ARNT: variants seen among roughly 807,000 people sequenced by gnomAD.
ARNT encodes the protein class E basic helix-loop-helix protein 2.
Under a neutral mutation model 105.0 loss-of-function variants are expected in ARNT, and 30 were observed. The ratio of observed to expected loss-of-function variants is 0.29; its 90% CI spans 0.21 to 0.39. The LOEUF is 0.39. ARNT is among the 10% of genes least tolerant of loss of function. The pLI is 1.00. For synonymous variants in ARNT, 304 were observed against 344.0 expected, an observed-to-expected ratio of 0.88 and a Z score of 1.29; for missense variants, 748 against 978.7, an observed-to-expected ratio of 0.76 and a Z score of 3.15.
At chr1:150,835,138 CA>C (rs11459475) in intron 7 of ARNT, among the ~76,000 whole-genome samples, 34 of 134,180 alleles carry the variant, frequency 2.5e-4, no homozygotes, top group Non-Finnish European at 2.7e-4. Flanking sequence ...GACCTTGTCT[CA>C]AAAAAAAAAA....
chr1:150,817,452 T>A lies in ARNT; in HGVS notation c.1506-19A>T. ...CTGCTGCCTATATGTCAAAGGCCAG[T>A]TGACAAGACAAATAGAAAAAAAAAT... is the stretch of plus-strand genomic sequence containing the variant. On this transcript the variant is annotated intron_variant, in intron 15 of 21. Transcript: ENST00000358595. The A allele has an allele frequency of 1.9e-6, 3 of 1,609,482 alleles. No individual in the cohort carries two copies. Among genetic ancestry groups the A allele is most frequent in the Non-Finnish European group, 2.5e-6 (3 of 1,178,842 alleles).
intron 4 of ARNT, 70 bp downstream of exon 4, chr1:150,846,193 G>T: frequency 7.3e-7 from 1 of 1,374,386 alleles, no homozygotes; most frequent in Non-Finnish European, 1.0e-6. Context: ...AAGTCAATAT[G>T]CTAGGACTGT....
chr1:150,849,532 T>C (rs925481042), intron 3 of ARNT, among the ~76,000 whole-genome samples: 3 of 152,146 alleles, frequency 2.0e-5, no homozygotes, highest in Admixed American at 6.5e-5. Flanking sequence ...ATGCCTGTAA[T>C]CCCAACACTT....
intron 3 of ARNT, among the ~76,000 whole-genome samples, chr1:150,848,775 AC>A (rs1212849177): frequency 6.6e-6 from 1 of 152,042 alleles, no homozygotes; most frequent in Non-Finnish European, 1.5e-5. Context: ...TAAGCGATCC[AC>A]CCACCTCAGC....
At chr1:150,818,935 C>G (rs891949341) in intron 14 of ARNT, among the ~76,000 whole-genome samples, 3 of 151,718 alleles carry the variant, frequency 2.0e-5, no homozygotes, top group Non-Finnish European at 2.9e-5. Flanking sequence ...TATAAAGATG[C>G]AAAGAGACAA....
rs1166919052 is a variant in ARNT at position 150,843,028 on chromosome 1, T to C, written c.228-560A>G. ...CTCTCACACAAACAACACATGCACGTGCCACACAATGACAAAATAACCAAC... is the reference window on the plus strand; with the variant it reads ...CTCTCACACAAACAACACATGCACGCGCCACACAATGACAAAATAACCAAC... On this transcript the variant is annotated intron_variant, in intron 4 of 21. Coordinates refer to ENST00000358595, the MANE Select transcript of ARNT (RefSeq NM_001668.4). 4.6e-5 allele frequency among the ~76,000 whole-genome samples: 7 copies of C among 152,192 alleles called. No individual in the cohort carries two copies. The East Asian group carries it at 1.3e-3, about 29-fold the overall frequency.
At chr1:150,837,843 A>G (rs977071218) in intron 6 of ARNT, among the ~76,000 whole-genome samples, 1 of 152,014 alleles carries the variant, frequency 6.6e-6, no homozygotes, top group African/African-American at 2.4e-5. Flanking sequence ...CAAAACCTGA[A>G]TCATTATTTC....
At position 150,823,341 on chromosome 1, in the gene ARNT, A is replaced by T; in HGVS notation, c.1247T>A (p.Val416Glu). 2.5e-6 allele frequency: 4 copies of T among 1,593,944 alleles called. No individual in the cohort carries two copies. Among genetic ancestry groups the T allele is most frequent in the Non-Finnish European group, 3.4e-6 (4 of 1,168,020 alleles). ...AGACAGCACTTGGCCTTTTAATTTC[A>T]CTACCTGAAAAAGTTTTCATGCCAT... The part of the protein sequence containing the change: ...QLLRDSFQQV[V>E]KLKGQVLSVM... The change falls in exon 14 of 22, where the codon GTG becomes GAG. Residue 416 changes from valine to glutamate, a missense_variant. This residue lies in a region of ARNT where 291 missense variants were observed against 444.6 expected (regional missense o/e 0.65). Coordinates refer to ENST00000358595, the MANE Select transcript of ARNT (RefSeq NM_001668.4).
intron 6 of ARNT, among the ~76,000 whole-genome samples, chr1:150,837,049 G>C (rs1478052555): frequency 1.3e-5 from 2 of 151,794 alleles, no homozygotes; most frequent in African/African-American, 4.8e-5. Flanking sequence ...CTGAGCGACA[G>C]AGCAAGAGAC....
At chr1:150,876,294 C>T (rs1436460615) in intron 1 of ARNT, among the ~76,000 whole-genome samples, 1 of 152,194 alleles carries the variant, frequency 6.6e-6, no homozygotes, top group Non-Finnish European at 1.5e-5. Context: ...GCCGCTCCAA[C>T]GGAGGTCAGG....
At chr1:150,826,181 C>T (rs1260500301) in intron 13 of ARNT, among the ~76,000 whole-genome samples, 1 of 152,208 alleles carries the variant, frequency 6.6e-6, no homozygotes, top group East Asian at 1.9e-4. Context: ...TCCCAGAGTG[C>T]TGGGATTATA....
At chr1:150,813,796 T>C (rs1031722898) in intron 20 of ARNT, among the ~76,000 whole-genome samples, 7 of 152,124 alleles carry the variant, frequency 4.6e-5, no homozygotes, top group Non-Finnish European at 1.0e-4. Flanking sequence ...AGGCATGCGG[T>C]ACCACACCCG....
chr1:150,866,131 C>T (rs1171058528), intron 1 of ARNT, among the ~76,000 whole-genome samples: 3 of 152,000 alleles, frequency 2.0e-5, no homozygotes, highest in South Asian at 4.1e-4. Flanking sequence ...TACAGGCACA[C>T]ACCACCACGT....
At chr1:150,847,529 A>G (rs1662471905) in intron 3 of ARNT, among the ~76,000 whole-genome samples, 1 of 151,050 alleles carries the variant, frequency 6.6e-6, no homozygotes, top group Non-Finnish European at 1.5e-5. Flanking sequence ...GTCTTTTTTT[A>G]TGGTTAGGAA....
chr1:150,844,859 G>A (rs773853379), intron 4 of ARNT, among the ~76,000 whole-genome samples: 1 of 150,628 alleles, frequency 6.6e-6, no homozygotes, highest in Non-Finnish European at 1.5e-5. Flanking sequence ...ACCCAGGCTG[G>A]AGTGCAATGG....
intron 14 of ARNT, chr1:150,818,294 T>A: frequency 3.0e-6 from 1 of 337,924 alleles, no homozygotes; most frequent in East Asian, 4.7e-5. Context: ...TTATTGTGAA[T>A]GTGTGTATAT....
chr1:150,815,184 T>C (rs1022955680), intron 19 of ARNT, among the ~76,000 whole-genome samples: 4 of 152,036 alleles, frequency 2.6e-5, no homozygotes, highest in African/African-American at 9.7e-5. Context: ...CATAAATATA[T>C]AGTAATATTA....
chr1:150,859,982 G>A (rs1458483237), intron 1 of ARNT, among the ~76,000 whole-genome samples: 2 of 150,886 alleles, frequency 1.3e-5, no homozygotes, highest in Non-Finnish European at 2.9e-5. Flanking sequence ...ACTCCACCCT[G>A]GGCAACAGAG....
intron 1 of ARNT, among the ~76,000 whole-genome samples, chr1:150,864,528 C>T (rs374319779): frequency 2.5e-4 from 37 of 146,330 alleles, no homozygotes; most frequent in African/African-American, 6.1e-4. Flanking sequence ...AACCAAACAC[C>T]GCATATTCTC....
Sources: gnomAD v4.1 joint callset for allele counts (sites outside exome capture counted in the v4.1 genomes callset) on GRCh38, gnomAD v4.1.1 for gene constraint, gnomAD v4.1.1 regional missense constraint, MANE v1.5 for transcripts, NCBI Gene and HGNC (gene_info 2026-07-23, HGNC 2026-07-21) for gene names.